The following MME variants were observed in gnomAD, a reference collection of about 807,000 sequenced individuals.
MME encodes membrane metalloendopeptidase, also known as neprilysin.
A neutral mutation model predicts 113.2 loss-of-function variants in MME; 98 were observed. That is an observed-to-expected ratio of 0.87 (90% CI 0.74 to 1.02). MME has a LOEUF of 1.02. Ranked by LOEUF, MME falls within the 50% of genes least tolerant of loss-of-function variation. The pLI, the probability that MME is intolerant of heterozygous loss-of-function variation, is 0.00. For synonymous variants in MME, 292 were observed against 300.6 expected (o/e 0.97, Z 0.30); for missense variants, 836 against 896.0 (o/e 0.93, Z 0.86).
intron 1 of MME, among the ~76,000 whole-genome samples, chr3:155,055,966 C>T (rs1430101244): frequency 6.6e-6 from 1 of 151,974 alleles, no homozygotes. Context: ...TTTGTTTTTA[C>T]TTTAACTGCT....
chr3:155,053,177 C>T (rs559606009), intron 1 of MME, among the ~76,000 whole-genome samples: 12 of 152,312 alleles, frequency 7.9e-5, no homozygotes, highest in Middle Eastern at 3.4e-3. Context: ...GCCCACCAAA[C>T]GGTTCCAGTC....
In MME at chr3:155,045,341, G is replaced by C. The variant is rs184106228; in HGVS notation, c.-11+21017G>C. On this transcript the variant is annotated intron_variant, in intron 1 of 22. Coordinates refer to the MME transcript ENST00000492661. Reference sequence around the variant, plus strand: ...AATTTTTGTATTTTAGTGGAGACAGGGTTTCTCCATGTTGGCCGGGATGGT... The same window carrying C: ...AATTTTTGTATTTTAGTGGAGACAGCGTTTCTCCATGTTGGCCGGGATGGT... Among the ~76,000 whole-genome samples the C allele has an allele frequency of 2.8e-3, 429 of 151,720 alleles. 3 individuals carry two copies. The highest frequency in any genetic ancestry group is 1.0e-2 in the African/African-American group (412 of 41,382).
At chr3:155,031,395 A>G (rs1224291894) in intron 1 of MME, among the ~76,000 whole-genome samples, 2 of 152,046 alleles carry the variant, frequency 1.3e-5, no homozygotes, top group Admixed American at 1.3e-4. Flanking sequence ...AATTCCAAAA[A>G]TTTGCCTAAG....
chr3:155,047,597 G>A lies in MME; in HGVS notation c.-11+23273G>A, dbSNP rs73874474. ...CATTTCATTTTTTTCAGGAGTGTTC[G>A]CTCTACAACATGTTGCCTTAGTTAT... On this transcript the variant is annotated intron_variant, in intron 1 of 22. Coordinates refer to the MME transcript ENST00000492661. Among the ~76,000 whole-genome samples the A allele has an allele frequency of 4.3e-3, 656 of 152,088 alleles. 5 individuals are homozygous for A. Among genetic ancestry groups the A allele is most frequent in the African/African-American group, 0.015 (627 of 41,484 alleles).
chr3:155,174,344 G>C (rs1712296545), intron 22 of MME, among the ~76,000 whole-genome samples: 1 of 141,526 alleles, frequency 7.1e-6, no homozygotes, highest in Non-Finnish European at 1.6e-5. Flanking sequence ...GTGTGTGTGT[G>C]TGTGTGTGTG....
At chr3:155,113,407 G>C (rs1448749781) in intron 3 of MME, among the ~76,000 whole-genome samples, 1 of 152,168 alleles carries the variant, frequency 6.6e-6, no homozygotes, top group South Asian at 2.1e-4. Context: ...AGCCTCCTGA[G>C]TAGCTGGGAC....
At chr3:155,112,197 T>C (rs1320447648) in intron 3 of MME, 1 of 152,192 alleles carries the variant, frequency 6.6e-6, no homozygotes, top group Admixed American at 6.5e-5. Context: ...GAGGAGATAA[T>C]GAATTTGCAT....
chr3:155,089,858 C>T (rs757470119), intron 3 of MME: 1 of 452,242 alleles, frequency 2.2e-6, no homozygotes, highest in South Asian at 1.6e-5. Flanking sequence ...GCCTATAATC[C>T]CAGAGGGAGG....
chr3:155,031,718 C>T (rs940935222), intron 1 of MME, among the ~76,000 whole-genome samples: 8 of 152,118 alleles, frequency 5.3e-5, no homozygotes, highest in African/African-American at 1.9e-4. Context: ...AGTGCAGTGG[C>T]AAGATCTTGG....
chr3:155,094,858 A>C (rs1195937527), intron 3 of MME, among the ~76,000 whole-genome samples: 2 of 152,232 alleles, frequency 1.3e-5, no homozygotes, highest in African/African-American at 4.8e-5. Flanking sequence ...TGAAGTAAGT[A>C]AGTCAGAGGT....
rs141402067 is a variant in MME, at chr3:155,084,233, G to A, written c.66G>A (p.Gln22=). ...ACACTCCAAAGCCAAAGAAGAAACA[G>A]CGATGGACTCCACTGGAGATCAGCC... is the stretch of plus-strand genomic sequence containing the variant. ...DINTPKPKKK[Q]RWTPLEISLS... Residue 22 remains glutamine, a synonymous_variant, in exon 2 of 23, where the codon CAG becomes CAA. Transcript: ENST00000360490. 9 of 1,613,976 alleles carry A rather than the reference G, an allele frequency of 5.6e-6. No individual in the cohort carries two copies. The highest frequency in any genetic ancestry group is 3.3e-5 in the South Asian group (3 of 91,080).
intron 8 of MME, among the ~76,000 whole-genome samples, chr3:155,126,941 A>G (rs577017569): frequency 6.7e-6 from 1 of 150,312 alleles, no homozygotes; most frequent in East Asian, 2.0e-4. Context: ...CAGGAGATAA[A>G]GGTTGCAGTG....
chr3:155,164,417 A>T (rs930662284), intron 17 of MME, among the ~76,000 whole-genome samples: 7 of 152,166 alleles, frequency 4.6e-5, no homozygotes, highest in Admixed American at 2.6e-4. Flanking sequence ...AACAGTTGTG[A>T]TGCCTACTAG....
At position 155,116,904 on chromosome 3, in the gene MME, T is replaced by G. The variant is rs575160886; in HGVS notation, c.572T>G (p.Leu191Arg). Residue 191 changes from leucine to arginine, a missense_variant, in exon 7 of 23, where the codon CTG (leucine) becomes CGG (arginine). Coordinates refer to ENST00000360490, the MANE Select transcript of MME (RefSeq NM_007289.4). ...SWTAEKAIAQ[L>R]NSKYGKKVLI... The stretch of plus-strand genomic sequence containing the variant: ...ACAGCTGAAAAAGCTATTGCACAAC[T>G]GAATTCTAAATATGGGAAAAAAGTC... 6.2e-7 allele frequency: 1 copy of G among 1,612,548 alleles called. No individual in the cohort carries two copies. Among genetic ancestry groups the G allele is most frequent in the African/African-American group, 1.3e-5 (1 of 75,022 alleles).
At chr3:155,165,211 T>C (rs1723006725) in intron 17 of MME, among the ~76,000 whole-genome samples, 1 of 152,162 alleles carries the variant, frequency 6.6e-6, no homozygotes, top group Admixed American at 6.6e-5. Flanking sequence ...AAAGATAGAA[T>C]TACTAAACTA....
In MME at chr3:155,052,635, C is replaced by T. The variant is rs1713799658; in HGVS notation, c.-11+28311C>T. Among the ~76,000 whole-genome samples the T allele has an allele frequency of 2.6e-5, 4 of 152,200 alleles. No individual in the cohort carries two copies. In the South Asian group the frequency reaches 8.3e-4, roughly 31 times the overall value. On this transcript the variant is annotated intron_variant, in intron 1 of 22. Transcript: ENST00000492661. The stretch of plus-strand genomic sequence containing the variant: ...ATTGAGGCTGCACAGGGCAGGGGGG[C>T]CCTGGGTCCAGCCCACAAAACCATT...
At chr3:155,157,362 G>C (rs1722393907) in intron 16 of MME, among the ~76,000 whole-genome samples, 1 of 152,056 alleles carries the variant, frequency 6.6e-6, no homozygotes, top group Non-Finnish European at 1.5e-5. Context: ...TGTGGAGGCT[G>C]TTAGTGTTTG....
intron 1 of MME, among the ~76,000 whole-genome samples, chr3:155,036,386 T>A (rs544669383): frequency 7.9e-5 from 12 of 152,310 alleles, no homozygotes; most frequent in African/African-American, 2.6e-4. Flanking sequence ...GAGTTTTTTT[T>A]ATTAACCCCA....
intron 1 of MME, among the ~76,000 whole-genome samples, chr3:155,049,452 C>G (rs1713680156): frequency 6.6e-6 from 1 of 151,934 alleles, no homozygotes; most frequent in Non-Finnish European, 1.5e-5. Context: ...GAGGAAGTAG[C>G]TTTGGAATTG....
Sources: allele counts gnomAD v4.1 joint callset (sites outside exome capture counted in the v4.1 genomes callset), GRCh38; gene constraint gnomAD v4.1.1; transcripts MANE v1.5; gene names NCBI Gene and HGNC (gene_info 2026-07-23, HGNC 2026-07-21).